The following ERN2 variants were observed in gnomAD, a reference collection of about 807,000 sequenced individuals.
ERN2 encodes the protein serine/threonine-protein kinase/endoribonuclease IRE2.
ERN2 carries 111 observed loss-of-function variants against 107.9 expected under a neutral mutation model. The observed-to-expected ratio is 1.03, with a 90% CI of 0.88 to 1.20. ERN2 has a LOEUF of 1.20. Ranked by LOEUF, ERN2 falls within the 50% of genes most tolerant of loss-of-function variation. The pLI is 0.00. For missense variants in ERN2, 1,225 were observed against 1,197.9 expected (o/e 1.02, Z -0.33); for synonymous variants, 524 against 501.7 (o/e 1.04, Z -0.59).
At chr16:23,692,361 A>G (rs1452256611) in intron 17 of ERN2, 30 bp from the exon 18 acceptor site, 1 of 1,606,184 alleles carries the variant, frequency 6.2e-7, no homozygotes, top group Non-Finnish European at 8.5e-7. Flanking sequence ...CATGAGAAGG[A>G]AATCTCTGCT....
chr16:23,696,594 G>A (rs74012334), intron 13 of ERN2: 12,218 of 152,408 alleles, frequency 0.08, 745 homozygotes, highest in African/African-American at 0.16. Flanking sequence ...GGCAGCAGGG[G>A]TACCCCTAGA....
intron 4 of ERN2, among the ~76,000 whole-genome samples, chr16:23,708,347 CTTTTTTTTTTTTTT>C (rs747761449): frequency 5.5e-5 from 3 of 54,716 alleles, no homozygotes; most frequent in South Asian, 5.8e-4. Context: ...TGGTGCTATT[CTTTTTTTTTTTTTT>C]TTTTTTTTTT....
Position 23,713,170 on chromosome 16 carries a change from C to A in ERN2, c.18G>T (p.Arg6Ser). The change falls in exon 1 of 22, where the codon AGG (arginine) becomes AGT (serine). Residue 6 changes from arginine to serine, a missense_variant. Physicochemically the swap from Arg to Ser is moderately radical, Grantham distance 110. Coordinates refer to ENST00000256797, the MANE Select transcript of ERN2 (RefSeq NM_033266.4). ...CCAGCCGGGGCCACGGCCTCGACCCCCTGACCGCACTCGCCATAGCGCCTG... is the reference window on the plus strand; with the variant it reads ...CCAGCCGGGGCCACGGCCTCGACCCACTGACCGCACTCGCCATAGCGCCTG... MASAV[R>S]GSRPWPRLGL... is the part of the protein sequence containing the mutation. 6.3e-7 allele frequency: 1 copy of A among 1,576,298 alleles called. No homozygotes were observed. The highest frequency in any genetic ancestry group is 2.3e-5 in the East Asian group (1 of 42,560).
In ERN2 at chr16:23,699,703, G is replaced by T. The variant is rs556517013; in HGVS notation, c.1525+836C>A. 5.9e-5 allele frequency among the ~76,000 whole-genome samples: 9 copies of T among 152,270 alleles called. No individual in the cohort carries two copies. The South Asian group carries it at 1.9e-3, about 32-fold the overall frequency. On this transcript the variant is annotated intron_variant, in intron 13 of 21. Coordinates refer to ENST00000256797, the MANE Select transcript of ERN2 (RefSeq NM_033266.4). ...CTCTGAAAGTTCTGGGATTACAGGT[G>T]TAAGCCACCATGCCCAACCTAAAAG...
chr16:23,690,682 C>T lies in ERN2; in HGVS notation c.*149G>A. On this transcript the variant is annotated 3_prime_UTR_variant, in exon 22 of 22. Transcript: ENST00000256797. ...TGTTGGCCAGGCTGGTCTCGAACTCCTGAGCTCAAGTGATCCTCTCACTCA... is the reference window on the plus strand; with the variant it reads ...TGTTGGCCAGGCTGGTCTCGAACTCTTGAGCTCAAGTGATCCTCTCACTCA... 1 of 667,608 alleles carries T rather than the reference C, an allele frequency of 1.5e-6. No individual in the cohort carries two copies. The allele number at this position is 667,608 out of a possible 1,614,324, so 41.4% of individuals were successfully genotyped here.
At chr16:23,696,997 T>G (rs1340691353) in intron 13 of ERN2, 1 of 141,860 alleles carries the variant, frequency 7.0e-6, no homozygotes, top group African/African-American at 2.6e-5. Context: ...GGGAACATGA[T>G]GAAACCCCAT....
rs779780792 is a variant in ERN2 at position 23,695,015 on chromosome 16, G to C, written c.1900+4C>G. 6.2e-7 allele frequency: 1 copy of C among 1,613,112 alleles called. No homozygotes were observed. Among genetic ancestry groups the C allele is most frequent in the Middle Eastern group, 1.6e-4 (1 of 6,062 alleles). The stretch of plus-strand genomic sequence containing the variant: ...GGAGCGGGAGGCAGGGGAAGTGCGG[G>C]TACCTATGTGTAAAGAGTGCAGGTG... On this transcript the variant is annotated splice_donor_region_variant and intron_variant, in intron 16 of 21. Coordinates refer to ENST00000256797, the MANE Select transcript of ERN2 (RefSeq NM_033266.4).
At position 23,710,500 on chromosome 16, in the gene ERN2, C is replaced by T. The variant is rs767798165; in HGVS notation, c.233+16G>A. 6.2e-7 allele frequency: 1 copy of T among 1,613,870 alleles called. No homozygotes were observed. The highest frequency in any genetic ancestry group is 1.1e-5 in the South Asian group (1 of 91,062). On this transcript the variant is annotated intron_variant, in intron 3 of 21. Transcript: ENST00000256797. ...TCCCAGAAGCCTCCTCCTTAAAAGG[C>T]CCCAGGTTCACTTACTCTGTGACGT...
rs1234592809 is a variant in ERN2 at position 23,700,668 on chromosome 16, G to A, written c.1396C>T (p.Pro466Ser). 2.5e-6 allele frequency: 4 copies of A among 1,613,926 alleles called. No individual in the cohort carries two copies. The highest frequency in any genetic ancestry group is 3.4e-6 in the Non-Finnish European group (4 of 1,179,916). The change falls in exon 13 of 22, where the codon CCC becomes TCC. Residue 466 changes from proline to serine, a missense_variant. Coordinates refer to ENST00000256797, the MANE Select transcript of ERN2 (RefSeq NM_033266.4). ...TGAGCAAAGTCTGCAGGTGCCAGGG[G>A]GGTCTCCTGCTGCTTCTCCACCACC... is the stretch of plus-strand genomic sequence containing the variant. ...PQVVEKQQET[P>S]LAPADFAHIS... is the part of the protein sequence containing the mutation.
chr16:23,694,683 G>GC, intron 17 of ERN2, 45 bp downstream of exon 17: 1 of 1,509,636 alleles, frequency 6.6e-7, no homozygotes, highest in Non-Finnish European at 8.9e-7. Flanking sequence ...GATTCCTGCA[G>GC]CCTGGGGCAG....
rs551202585 is a variant in ERN2, at chr16:23,713,111, C to A, written c.77G>T (p.Gly26Val). ...GGCTCTCACCTGTGGACTCAGCGTCCCGAGCAGCAGCGCCGCGAACTGGAG... is the reference window on the plus strand; with the variant it reads ...GGCTCTCACCTGTGGACTCAGCGTCACGAGCAGCAGCGCCGCGAACTGGAG... ...LQLQFAALLL[G>V]TLSPQVHTLR... The change falls in exon 1 of 22, where the codon GGG becomes GTG. Residue 26 changes from glycine (G) to valine (V), a missense_variant. Coordinates refer to ENST00000256797, the MANE Select transcript of ERN2 (RefSeq NM_033266.4). The A allele has an allele frequency of 1.9e-6, 3 of 1,577,374 alleles. No individual in the cohort carries two copies. The highest frequency in any genetic ancestry group is 1.8e-5 in the Admixed American group (1 of 56,572).
intron 4 of ERN2, chr16:23,709,399 T>C: frequency 3.4e-6 from 1 of 296,028 alleles, no homozygotes; most frequent in South Asian, 2.8e-5. Context: ...CACAGATTGC[T>C]TTTCATCTTG....
chr16:23,700,857 G>T, intron 12 of ERN2, 102 bp downstream of exon 12: 1 of 1,480,740 alleles, frequency 6.8e-7, no homozygotes, highest in Admixed American at 2.1e-5. Context: ...GAGGCAGGGG[G>T]CAAAATCAGA....
At chr16:23,708,347 CTTTTTTTTTTTTTTT>C (rs747761449) in intron 4 of ERN2, among the ~76,000 whole-genome samples, 8 of 54,716 alleles carry the variant, frequency 1.5e-4, no homozygotes, top group Middle Eastern at 0.016. Context: ...TGGTGCTATT[CTTTTTTTTTTTTTTT>C]TTTTTTTTTT....
chr16:23,710,465 G>C, intron 3 of ERN2, 51 bp downstream of exon 3: 1 of 1,579,598 alleles, frequency 6.3e-7, no homozygotes, highest in Non-Finnish European at 8.7e-7. Flanking sequence ...ACAACTATGA[G>C]TCCCCCATCT....
chr16:23,706,190 G>A, intron 7 of ERN2, 140 bp downstream of exon 7: 1 of 601,246 alleles, frequency 1.7e-6, no homozygotes, highest in Non-Finnish European at 2.9e-6. Flanking sequence ...AGCCATCAGG[G>A]GTGTGCCATT....
At chr16:23,700,392 T>C (rs1959996383) in intron 13 of ERN2, 147 bp downstream of exon 13, 1 of 744,992 alleles carries the variant, frequency 1.3e-6, no homozygotes. Context: ...CTCAATTACG[T>C]AGCAGGCTCT....
intron 13 of ERN2, chr16:23,696,651 A>G (rs1959841570): frequency 6.6e-6 from 1 of 152,258 alleles, no homozygotes; most frequent in Non-Finnish European, 1.5e-5. Context: ...CAGGTGGGCA[A>G]AGATCTGTAG....
chr16:23,704,699 T>C (rs896757963), intron 8 of ERN2, among the ~76,000 whole-genome samples, 184 bp downstream of exon 8: 2 of 152,094 alleles, frequency 1.3e-5, no homozygotes, highest in Admixed American at 1.3e-4. Context: ...CCGGGGACAC[T>C]TGGAGGGCAG....
Sources: gnomAD v4.1 joint callset for allele counts (sites outside exome capture counted in the v4.1 genomes callset) on GRCh38, gnomAD v4.1.1 for gene constraint, MANE v1.5 for transcripts, NCBI Gene and HGNC (gene_info 2026-07-23, HGNC 2026-07-21) for gene names.